Variants in CNTN5 observed in about 807,000 individuals in gnomAD.
CNTN5 encodes the protein contactin 5.
A neutral mutation model predicts 129.1 loss-of-function variants in CNTN5; 77 were observed. That is an observed-to-expected ratio of 0.60 (90% CI 0.50 to 0.72). The LOEUF is 0.72. Among genes scored for constraint, CNTN5 ranks in the 30% least tolerant of loss-of-function variants. The pLI is 0.00. For missense variants in CNTN5, 1,478 were observed against 1,328.8 expected (o/e 1.11, Z -1.75); for synonymous variants, 509 against 465.6 (o/e 1.09, Z -1.20).
At chr11:99,514,457 A>G (rs1946965822) in intron 2 of CNTN5, among the ~76,000 whole-genome samples, 1 of 152,046 alleles carries the variant, frequency 6.6e-6, no homozygotes, top group Non-Finnish European at 1.5e-5. Context: ...CTACCGAGAA[A>G]TCTTTCAAGA....
intron 2 of CNTN5, among the ~76,000 whole-genome samples, chr11:99,521,264 T>C (rs183920854): frequency 1.3e-5 from 2 of 152,312 alleles, no homozygotes; most frequent in African/African-American, 4.8e-5. Flanking sequence ...CCTTCAAGCC[T>C]GCTTCCTGAG....
chr11:99,858,674 T>G, intron 6 of CNTN5, among the ~76,000 whole-genome samples: 1 of 119,782 alleles, frequency 8.3e-6, no homozygotes, highest in Non-Finnish European at 2.0e-5. Flanking sequence ...TCGAGAGTTT[T>G]TTTAAAGTTA....
intron 3 of CNTN5, among the ~76,000 whole-genome samples, chr11:99,630,679 C>A (rs917266403): frequency 6.6e-6 from 1 of 152,098 alleles, no homozygotes; most frequent in South Asian, 2.1e-4. Context: ...CAATTTACTT[C>A]AACACATTCT....
At chr11:99,800,603 T>C (rs1946083977) in intron 3 of CNTN5, among the ~76,000 whole-genome samples, 1 of 152,152 alleles carries the variant, frequency 6.6e-6, no homozygotes, top group Non-Finnish European at 1.5e-5. Context: ...AAGTACTTCT[T>C]TTATGACTAA....
In CNTN5 at chr11:99,504,665, G is replaced by C. The variant is rs550087981; in HGVS notation, c.-70-51480G>C. 7.9e-5 allele frequency among the ~76,000 whole-genome samples: 12 copies of C among 152,128 alleles called. No individual in the cohort carries two copies. The South Asian group carries it at 2.5e-3, about 32-fold the overall frequency. On this transcript the variant is annotated intron_variant, in intron 2 of 24. Transcript: ENST00000524871. The stretch of plus-strand genomic sequence containing the variant: ...TGTATATATTTTTAATAGAACTTTG[G>C]ATTTTAAGCAGGAAGTTACTGTAAC...
intron 6 of CNTN5, among the ~76,000 whole-genome samples, chr11:99,890,565 ATGTGTGTGTG>A (rs145649414): frequency 6.7e-6 from 1 of 150,150 alleles, no homozygotes; most frequent in East Asian, 1.9e-4. Context: ...TGAAATAGAC[ATGTGTGTGTG>A]TATATATACA....
At chr11:99,523,704 C>CAGAAT (rs55824176) in intron 2 of CNTN5, among the ~76,000 whole-genome samples, 2 of 119,938 alleles carry the variant, frequency 1.7e-5, no homozygotes, top group African/African-American at 5.5e-5. Context: ...CAGAATAGAA[C>CAGAAT]AGAATAGAAT....
chr11:100,226,973 T>A (rs1410296309), intron 16 of CNTN5, among the ~76,000 whole-genome samples: 4 of 151,938 alleles, frequency 2.6e-5, no homozygotes, highest in Non-Finnish European at 5.9e-5. Context: ...TAGATGGAGC[T>A]TTTCTGATGA....
intron 3 of CNTN5, among the ~76,000 whole-genome samples, chr11:99,602,481 A>G (rs1475618715): frequency 6.6e-6 from 1 of 152,130 alleles, no homozygotes; most frequent in Non-Finnish European, 1.5e-5. Context: ...TTCATTGACA[A>G]TTGTATTGAT....
At chr11:99,455,564 A>G (rs1002882744) in intron 2 of CNTN5, among the ~76,000 whole-genome samples, 2 of 152,126 alleles carry the variant, frequency 1.3e-5, no homozygotes, top group African/African-American at 4.8e-5. Flanking sequence ...CTAAGAGGAA[A>G]GTTGTGGTCA....
At chr11:99,709,552 A>G (rs1954886923) in intron 3 of CNTN5, among the ~76,000 whole-genome samples, 1 of 151,880 alleles carries the variant, frequency 6.6e-6, no homozygotes, top group South Asian at 2.1e-4. Flanking sequence ...ATAATTGTAT[A>G]TATAAACCTC....
intron 6 of CNTN5, among the ~76,000 whole-genome samples, chr11:99,902,675 A>G (rs1949390607): frequency 6.6e-6 from 1 of 152,200 alleles, no homozygotes; most frequent in Non-Finnish European, 1.5e-5. Context: ...TATATAATTA[A>G]TGAAAAATTC....
At chr11:100,112,335 C>A (rs1945682784) in intron 13 of CNTN5, among the ~76,000 whole-genome samples, 1 of 152,058 alleles carries the variant, frequency 6.6e-6, no homozygotes, top group South Asian at 2.1e-4. Context: ...TTTTTAGATA[C>A]TGAGATTCAG....
intron 13 of CNTN5, among the ~76,000 whole-genome samples, chr11:100,179,205 A>G (rs1403133728): frequency 1.3e-5 from 2 of 152,018 alleles, no homozygotes; most frequent in Non-Finnish European, 2.9e-5. Context: ...AACTATCGTC[A>G]TCTCCACCAT....
intron 16 of CNTN5, among the ~76,000 whole-genome samples, chr11:100,233,247 G>GA (rs77809598): frequency 0.066 from 9,967 of 151,794 alleles, 387 homozygotes; most frequent in East Asian, 0.17. Context: ...TGGAAGGGAA[G>GA]AAAAAAAGGA....
chr11:99,777,193 A>C (rs1283723314), intron 3 of CNTN5, among the ~76,000 whole-genome samples: 1 of 151,450 alleles, frequency 6.6e-6, no homozygotes, highest in African/African-American at 2.4e-5. Context: ...TTTACTATTC[A>C]AAAAAAGTAG....
At chr11:100,175,115 T>C (rs1339125520) in intron 13 of CNTN5, among the ~76,000 whole-genome samples, 3 of 152,164 alleles carry the variant, frequency 2.0e-5, no homozygotes, top group Non-Finnish European at 4.4e-5. Flanking sequence ...TCAGCCTGGA[T>C]TGTAGGTCAG....
At chr11:99,850,071 C>T (rs993748795) in intron 6 of CNTN5, among the ~76,000 whole-genome samples, 1 of 151,804 alleles carries the variant, frequency 6.6e-6, no homozygotes, top group Non-Finnish European at 1.5e-5. Context: ...CATTTCTTCT[C>T]ATTGTTCAGA....
intron 1 of CNTN5, among the ~76,000 whole-genome samples, chr11:99,257,436 G>GTTTGTCAAACTATCCATCTTTACTAA (rs1862423957): frequency 6.6e-6 from 1 of 151,318 alleles, no homozygotes; most frequent in Non-Finnish European, 1.5e-5. Flanking sequence ...ATCTTTACTA[G>GTTTGTCAAACTATCCATCTTTACTAA]TTTGTCAAAC....
Sources: gnomAD v4.1 joint callset for allele counts (sites outside exome capture counted in the v4.1 genomes callset) on GRCh38, gnomAD v4.1.1 for gene constraint, MANE v1.5 for transcripts, NCBI Gene and HGNC (gene_info 2026-07-23, HGNC 2026-07-21) for gene names.